INTS8: variants seen among roughly 807,000 people sequenced by gnomAD.
The protein encoded by INTS8 is protein kaonashi-1.
In INTS8, 47 loss-of-function variants were observed where a neutral mutation model predicts 138.9. That is an observed-to-expected ratio of 0.34 (90% CI 0.27 to 0.43). INTS8 has a LOEUF of 0.43. INTS8 is among the 20% of genes least tolerant of loss of function. INTS8 has a pLI of 1.00. For synonymous variants in INTS8, 392 were observed against 400.9 expected (o/e 0.98, Z 0.27); for missense variants, 996 against 1,173.0 (o/e 0.85, Z 2.20).
At chr8:94,829,579 C>T (rs535281734) in intron 5 of INTS8, among the ~76,000 whole-genome samples, 38 of 152,246 alleles carry the variant, frequency 2.5e-4, no homozygotes, top group African/African-American at 9.1e-4. Context: ...GGTACCAGTC[C>T]ATGGCCTGGG....
rs1259148665 is a variant in INTS8 at position 94,875,593 on chromosome 8, C to CT, written c.2689-478dup. 2.0e-5 allele frequency among the ~76,000 whole-genome samples: 3 copies of CT among 152,014 alleles called. No individual in the cohort carries two copies. In the South Asian group the frequency reaches 6.2e-4, roughly 32 times the overall value. On this transcript the variant is annotated intron_variant, in intron 23 of 26. Coordinates refer to ENST00000523731, the MANE Select transcript of INTS8 (RefSeq NM_017864.4). ...ATACTAAAAACCACCAGATTGGGTACTTTAAGAGGGTAACTTTTATGGTTT... is the reference window on the plus strand; with the variant it reads ...ATACTAAAAACCACCAGATTGGGTACTTTTAAGAGGGTAACTTTTATGGTTT...
At chr8:94,847,510 G>A (rs1815374285) in intron 10 of INTS8, among the ~76,000 whole-genome samples, 1 of 152,062 alleles carries the variant, frequency 6.6e-6, no homozygotes, top group South Asian at 2.1e-4. Context: ...AGTAAAGTCT[G>A]GGCCTGGGTA....
At chr8:94,877,628 C>A (rs112144654) in intron 26 of INTS8, among the ~76,000 whole-genome samples, 1 of 152,196 alleles carries the variant, frequency 6.6e-6, no homozygotes, top group African/African-American at 2.4e-5. Context: ...TGTCAAAAGA[C>A]GTGAGGAATT....
chr8:94,830,259 T>C (rs1814663157), intron 5 of INTS8, among the ~76,000 whole-genome samples: 1 of 152,210 alleles, frequency 6.6e-6, no homozygotes, highest in African/African-American at 2.4e-5. Flanking sequence ...TTCTATAATT[T>C]AGAAATGATT....
rs903212853 is a variant in INTS8, at chr8:94,849,972, A to C, written c.1388A>C (p.Glu463Ala). The C allele has an allele frequency of 4.3e-6, 7 of 1,612,880 alleles. No individual in the cohort carries two copies. Among genetic ancestry groups the C allele is most frequent in the African/African-American group, 2.7e-5 (2 of 74,878 alleles). The change falls in exon 12 of 27, where the codon GAG becomes GCG. Residue 463 changes from glutamate (E) to alanine (A), a missense_variant. Physicochemically the swap from Glu to Ala is moderately radical, Grantham distance 107. Transcript: ENST00000523731. ...TATGTTTTCATGATTTCTTCACATG[A>C]GCTTTTCATTACATTGTTGAAAGAT... The part of the protein sequence containing the change: ...LQYVFMISSH[E>A]LFITLLKDEE...
In INTS8 at chr8:94,874,613, A is replaced by G; in HGVS notation, c.2688+11A>G. 2 of 1,497,050 alleles carry G rather than the reference A, an allele frequency of 1.3e-6. No individual in the cohort carries two copies. Among genetic ancestry groups the G allele is most frequent in the Admixed American group, 1.7e-5 (1 of 59,396 alleles). The allele number at this position is 1,497,050 out of a possible 1,614,324, so 92.7% of individuals were successfully genotyped here. On this transcript the variant is annotated intron_variant, in intron 23 of 26. Coordinates refer to ENST00000523731, the MANE Select transcript of INTS8 (RefSeq NM_017864.4). ...AATTGCCACACACAGGTTAGTTTAT[A>G]ATATTATGAAGTTGTTTTATTTTTA...
At chr8:94,845,911 C>T (rs1050525805) in intron 10 of INTS8, among the ~76,000 whole-genome samples, 7 of 152,128 alleles carry the variant, frequency 4.6e-5, no homozygotes, top group African/African-American at 1.7e-4. Context: ...TTATGGGCGG[C>T]CTCCTAAGCC....
chr8:94,849,931 G>C lies in INTS8; in HGVS notation c.1347G>C (p.Gly449=). ...MAAFLKNVCL[G]LEDLQYVFMI... ...ACTGATCTAGGAATGTGTGTCTGGG[G>C]TTGGAAGATCTGCAGTATGTTTTCA... The change falls in exon 12 of 27, where the codon GGG becomes GGC. Residue 449 remains glycine, a synonymous_variant. Coordinates refer to ENST00000523731, the MANE Select transcript of INTS8 (RefSeq NM_017864.4). 6.2e-7 allele frequency: 1 copy of C among 1,610,680 alleles called. No homozygotes were observed. Among genetic ancestry groups the C allele is most frequent in the Non-Finnish European group, 8.5e-7 (1 of 1,178,126 alleles).
intron 8 of INTS8, among the ~76,000 whole-genome samples, chr8:94,840,456 A>G (rs1275226681): frequency 6.6e-6 from 1 of 152,094 alleles, no homozygotes; most frequent in African/African-American, 2.4e-5. Context: ...TCTGTATGTA[A>G]TAATCTGGGT....
At chr8:94,860,042 T>A (rs905732495) in intron 16 of INTS8, 1 of 155,834 alleles carries the variant, frequency 6.4e-6, no homozygotes, top group African/African-American at 2.4e-5. Flanking sequence ...TATGTCTGAA[T>A]CTCCAATAGG....
intron 23 of INTS8, 83 bp from the exon 24 acceptor site, chr8:94,875,991 C>A: frequency 1.1e-6 from 1 of 900,772 alleles, no homozygotes; most frequent in Non-Finnish European, 1.9e-6. Flanking sequence ...ATCTATAAGG[C>A]TTAATATAAG....
rs1815134988 is a variant in INTS8 at position 94,841,585 on chromosome 8, A to G, written c.1112A>G (p.Gln371Arg). The G allele has an allele frequency of 6.5e-7, 1 of 1,535,392 alleles. No individual in the cohort carries two copies. The highest frequency in any genetic ancestry group is 1.2e-5 in the South Asian group (1 of 85,596). ...CTAAGAGAACTCTTTAAGAAAGCTC[A>G]ACAGGGGTAAGTAAGTTGAAAAATT... ...SVLRELFKKA[Q>R]QGNEALDEIC... Residue 371 changes from glutamine to arginine, a missense_variant, in exon 9 of 27, where the codon CAA (glutamine) becomes CGA (arginine). By Grantham distance (43) the Gln-to-Arg change is conservative. Coordinates refer to ENST00000523731, the MANE Select transcript of INTS8 (RefSeq NM_017864.4).
intron 12 of INTS8, among the ~76,000 whole-genome samples, chr8:94,851,146 C>T (rs1197788171): frequency 6.6e-6 from 1 of 152,150 alleles, no homozygotes; most frequent in Non-Finnish European, 1.5e-5. Context: ...TCTCATAAAA[C>T]ACATGCTTAA....
intron 12 of INTS8, among the ~76,000 whole-genome samples, chr8:94,851,349 A>G (rs1313320020): frequency 6.6e-6 from 1 of 152,162 alleles, no homozygotes; most frequent in East Asian, 1.9e-4. Context: ...TTCATTTATT[A>G]AATGTAGATA....
intron 13 of INTS8, among the ~76,000 whole-genome samples, chr8:94,852,146 T>G (rs1393106213): frequency 1.3e-5 from 2 of 152,162 alleles, no homozygotes; most frequent in Non-Finnish European, 2.9e-5. Context: ...TTTCACCATG[T>G]TGGCCAGGAT....
intron 10 of INTS8, among the ~76,000 whole-genome samples, chr8:94,848,157 G>A (rs924960561): frequency 4.0e-5 from 6 of 151,630 alleles, no homozygotes. Context: ...CTACAGGCCC[G>A]TGTCACCATG....
chr8:94,849,145 A>C (rs879799399), intron 10 of INTS8, among the ~76,000 whole-genome samples: 1 of 151,936 alleles, frequency 6.6e-6, no homozygotes, highest in Non-Finnish European at 1.5e-5. Flanking sequence ...GGAGCTACTG[A>C]TTTCTATGGT....
intron 20 of INTS8, among the ~76,000 whole-genome samples, chr8:94,871,644 T>C (rs1816401936): frequency 6.6e-6 from 1 of 152,212 alleles, no homozygotes; most frequent in African/African-American, 2.4e-5. Context: ...TGTCTACCTT[T>C]GACATTCTGA....
At position 94,859,532 on chromosome 8, in the gene INTS8, T is replaced by C. The variant is rs971739256; in HGVS notation, c.1976T>C (p.Ile659Thr). The change falls in exon 16 of 27, where the codon ATA becomes ACA. Residue 659 changes from isoleucine to threonine, a missense_variant. By Grantham distance (89) the Ile-to-Thr change is moderately conservative. Coordinates refer to ENST00000523731, the MANE Select transcript of INTS8 (RefSeq NM_017864.4). ...RLPDIPLRQV[I>T]AEECVAFMLN... ...TTAGATATTCCTCTTCGTCAAGTTATAGCTGAGGAATGTGTTGCCTTTATG... is the reference window on the plus strand; with the variant it reads ...TTAGATATTCCTCTTCGTCAAGTTACAGCTGAGGAATGTGTTGCCTTTATG... 9.9e-6 allele frequency: 16 copies of C among 1,613,032 alleles called. No individual in the cohort carries two copies. The highest frequency in any genetic ancestry group is 1.4e-5 in the Non-Finnish European group (16 of 1,179,202).
Sources: gnomAD v4.1 joint callset for allele counts (sites outside exome capture counted in the v4.1 genomes callset) on GRCh38, gnomAD v4.1.1 for gene constraint, MANE v1.5 for transcripts, NCBI Gene and HGNC (gene_info 2026-07-23, HGNC 2026-07-21) for gene names.